The following CNNM2 variants were observed in gnomAD, a reference collection of about 807,000 sequenced individuals.
CNNM2 encodes the protein cyclin and CBS domain divalent metal cation transport mediator 2.
In CNNM2, 12 loss-of-function variants were observed where a neutral mutation model predicts 66.9. The ratio of observed to expected loss-of-function variants is 0.18; its 90% confidence interval spans 0.11 to 0.29. The LOEUF is 0.29. Ranked by LOEUF, CNNM2 falls within the 10% of genes least tolerant of loss-of-function variation. The pLI is 1.00. For missense variants in CNNM2, 705 were observed against 1,167.7 expected (o/e 0.60, Z 5.77); for synonymous variants, 557 against 501.8 (o/e 1.11, Z -1.47).
intron 1 of CNNM2, among the ~76,000 whole-genome samples, chr10:102,930,364 C>G (rs911788811): frequency 2.6e-5 from 4 of 152,082 alleles, no homozygotes; most frequent in Non-Finnish European, 4.4e-5. Context: ...CATAGCCAGT[C>G]TTTGTGAAAA....
Position 103,090,000 on chromosome 10 carries a change from G to A in CNNM2, c.*12820G>A. ...CCCCTCTCCTCTGTTAGGTGGCCAT[G>A]CAATTACATCTATAATGGACCACAG... is the stretch of plus-strand genomic sequence containing the variant. On this transcript the variant is annotated 3_prime_UTR_variant, in exon 8 of 8. Transcript: ENST00000369878. 1.0e-6 allele frequency: 1 copy of A among 958,514 alleles called. No individual in the cohort carries two copies. The allele number at this position is 958,514 out of a possible 1,614,324, so 59.4% of individuals were successfully genotyped here.
intron 5 of CNNM2, among the ~76,000 whole-genome samples, chr10:103,069,077 T>C (rs2065529733): frequency 6.6e-6 from 1 of 152,182 alleles, no homozygotes; most frequent in Non-Finnish European, 1.5e-5. Flanking sequence ...ATGGAGACAC[T>C]GTGTGTGTTA....
intron 1 of CNNM2, among the ~76,000 whole-genome samples, chr10:103,037,529 C>T (rs748690812): frequency 6.6e-6 from 1 of 151,896 alleles, no homozygotes; most frequent in Non-Finnish European, 1.5e-5. Context: ...AAATCAGGGT[C>T]AAATTATTAA....
rs79789422 is a variant in CNNM2 at position 102,975,218 on chromosome 10, A to G, written c.1621+55117A>G. On this transcript the variant is annotated intron_variant, in intron 1 of 7. Coordinates refer to ENST00000369878, the MANE Select transcript of CNNM2 (RefSeq NM_017649.5). ...TTAGAGGATATAAAAATGTTGAATC[A>G]CTAACAAGTGTTCACTTTTCCTCAT... is the stretch of plus-strand genomic sequence containing the variant. Among the ~76,000 whole-genome samples, 342 of 152,340 alleles carry G rather than the reference A, an allele frequency of 2.2e-3. 4 individuals carry two copies. The highest frequency in any genetic ancestry group is 7.8e-3 in the African/African-American group (324 of 41,568).
chr10:103,058,938 G>A (rs1185579370), intron 4 of CNNM2, among the ~76,000 whole-genome samples: 1 of 152,158 alleles, frequency 6.6e-6, no homozygotes, highest in African/African-American at 2.4e-5. Flanking sequence ...TAGGGAGCAT[G>A]ATCCACTGTG....
At chr10:103,038,774 G>A (rs796157749) in intron 1 of CNNM2, among the ~76,000 whole-genome samples, 1 of 152,164 alleles carries the variant, frequency 6.6e-6, no homozygotes, top group African/African-American at 2.4e-5. Flanking sequence ...TGGAATTTTT[G>A]GAAGTAGTAA....
At chr10:103,071,352 ATGGGGAGC>A (rs750618923) in intron 5 of CNNM2, among the ~76,000 whole-genome samples, 1 of 152,234 alleles carries the variant, frequency 6.6e-6, no homozygotes, top group Non-Finnish European at 1.5e-5. Context: ...AGTTGCACAG[ATGGGGAGC>A]TGTAGGCTGT....
intron 2 of CNNM2, among the ~76,000 whole-genome samples, chr10:103,051,437 T>G (rs2065211367): frequency 6.6e-6 from 1 of 150,442 alleles, no homozygotes; most frequent in South Asian, 2.1e-4. Flanking sequence ...CTCCAAAAAA[T>G]GATAATAATA....
intron 1 of CNNM2, among the ~76,000 whole-genome samples, chr10:103,046,767 A>T (rs937081042): frequency 2.0e-5 from 3 of 152,252 alleles, no homozygotes; most frequent in Non-Finnish European, 4.4e-5. Flanking sequence ...ATACTGTGTT[A>T]GTTGAAGTAT....
At chr10:103,027,467 G>A (rs2064729010) in intron 1 of CNNM2, 1 of 152,202 alleles carries the variant, frequency 6.6e-6, no homozygotes, top group African/African-American at 2.4e-5. Flanking sequence ...GAGGTGAGAG[G>A]GGAGGGAGGA....
chr10:102,953,807 T>G (rs1846929979), intron 1 of CNNM2, among the ~76,000 whole-genome samples: 2 of 152,094 alleles, frequency 1.3e-5, no homozygotes, highest in Admixed American at 1.3e-4. Flanking sequence ...GCAATCCACC[T>G]GCCTTGACCT....
rs1360018177 is a variant in CNNM2 at position 103,082,209 on chromosome 10, G to A, written c.*5029G>A. ...AAGAATGGGAGCATTGTCTTGCCTC[G>A]CTTGGAAGGACGCCTTCCGGCATCT... On this transcript the variant is annotated 3_prime_UTR_variant, in exon 8 of 8. Transcript: ENST00000369878. 1 of 152,192 alleles carries A rather than the reference G, an allele frequency of 6.6e-6. No individual in the cohort carries two copies. The highest frequency in any genetic ancestry group is 1.5e-5 in the Non-Finnish European group (1 of 68,052). The allele number at this position is 152,192 out of a possible 1,614,324, so 9.4% of individuals were successfully genotyped here. A position where few individuals can be genotyped will look rare whatever the true frequency, so the allele number is the denominator to read the frequency against.
chr10:102,970,715 C>T (rs2063534223), intron 1 of CNNM2, among the ~76,000 whole-genome samples: 1 of 152,168 alleles, frequency 6.6e-6, no homozygotes, highest in South Asian at 2.1e-4. Context: ...GCTCTGTTTC[C>T]TCCCTGGGCC....
chr10:103,014,145 C>A (rs2134275900), intron 1 of CNNM2, among the ~76,000 whole-genome samples: 1 of 152,258 alleles, frequency 6.6e-6, no homozygotes, highest in Non-Finnish European at 1.5e-5. Context: ...ACCCTGATAG[C>A]TAGAATTTTA....
At chr10:103,071,082 A>G (rs1311611602) in intron 5 of CNNM2, among the ~76,000 whole-genome samples, 1 of 152,186 alleles carries the variant, frequency 6.6e-6, no homozygotes, top group Non-Finnish European at 1.5e-5. Context: ...GTTTCTGTTT[A>G]TTGATGTTCG....
intron 1 of CNNM2, among the ~76,000 whole-genome samples, chr10:103,000,568 C>T (rs1564839656): frequency 6.6e-6 from 1 of 152,074 alleles, no homozygotes. Flanking sequence ...ATTCTTGTGC[C>T]TTTCCCTCCC....
intron 1 of CNNM2, among the ~76,000 whole-genome samples, chr10:103,005,766 TCACC>T (rs1484404861): frequency 6.6e-6 from 1 of 152,212 alleles, no homozygotes; most frequent in Non-Finnish European, 1.5e-5. Context: ...TCTCATTTGT[TCACC>T]CAGGCTGGAG....
Position 102,918,540 on chromosome 10 carries a change from C to T in CNNM2, c.60C>T (p.Ala20=). The T allele has an allele frequency of 6.2e-7, 1 of 1,602,014 alleles. No individual in the cohort carries two copies. Among genetic ancestry groups the T allele is most frequent in the Admixed American group, 1.7e-5 (1 of 59,152 alleles). Reference sequence around the variant, plus strand: ...AGATGGCGGGCGGGCAGGCAGCCGCCGCACTGCCCACTTGGAAGATGGCGG... The same window carrying T: ...AGATGGCGGGCGGGCAGGCAGCCGCTGCACTGCCCACTTGGAAGATGGCGG... ...KVKMAGGQAA[A]ALPTWKMAAR... is the part of the protein sequence containing the mutation. Residue 20 remains alanine (A), a synonymous_variant, in exon 1 of 8, where the codon GCC becomes GCT. Coordinates refer to ENST00000369878, the MANE Select transcript of CNNM2 (RefSeq NM_017649.5). This position sits in a 1 kb window ranked among gnomAD's most constrained non-coding sequence, Gnocchi z 4.1.
chr10:102,971,078 A>G (rs1028277467), intron 1 of CNNM2, among the ~76,000 whole-genome samples: 1 of 151,632 alleles, frequency 6.6e-6, no homozygotes, highest in Non-Finnish European at 1.5e-5. Flanking sequence ...ACTTGCCTCT[A>G]GTCCTGGTTA....
Sources: gnomAD v4.1 joint callset for allele counts (sites outside exome capture counted in the v4.1 genomes callset) on GRCh38, gnomAD v4.1.1 for gene constraint, Gnocchi (gnomAD v3.1) non-coding constraint, MANE v1.5 for transcripts, NCBI Gene and HGNC (gene_info 2026-07-23, HGNC 2026-07-21) for gene names.